Variants in ASTN2 observed in about 807,000 individuals in gnomAD.
ASTN2 encodes astrotactin 2.
Under a neutral mutation model 139.8 loss-of-function variants are expected in ASTN2, and 54 were observed. The ratio of observed to expected loss-of-function variants is 0.39; its 90% CI spans 0.31 to 0.48. The LOEUF (loss-of-function observed/expected upper bound fraction) is 0.48. Among genes scored for constraint, ASTN2 ranks in the 20% least tolerant of loss-of-function variants. The pLI, the probability that ASTN2 is intolerant of heterozygous loss-of-function variation, is 0.95. For synonymous variants in ASTN2, 756 were observed against 719.5 expected, an observed-to-expected ratio of 1.05 and a Z score of -0.81; for missense variants, 1,565 against 1,725.1, an observed-to-expected ratio of 0.91 and a Z score of 1.64.
At position 117,282,851 on chromosome 9, in the gene ASTN2, G is replaced by A. The variant is rs151106938; in HGVS notation, c.630+8475C>T. On this transcript the variant is annotated intron_variant, in intron 2 of 22. Transcript: ENST00000313400. ...GAGAAGTAAAGCATGGTGTGGCCAA[G>A]GCACTATGATTTAGAGTGGTCTGTT... 9.6e-3 allele frequency among the ~76,000 whole-genome samples: 1,446 copies of A among 150,094 alleles called. 24 individuals are homozygous for A. Among genetic ancestry groups the A allele is most frequent in the Non-Finnish European group, 0.011 (753 of 68,026 alleles).
At chr9:116,890,768 C>T (rs117541501) in intron 10 of ASTN2, among the ~76,000 whole-genome samples, 4 of 152,056 alleles carry the variant, frequency 2.6e-5, no homozygotes, top group South Asian at 4.2e-4. Context: ...CATTCAGCTC[C>T]AAGAAGAGAA....
chr9:116,484,449 C>T (rs771064018), intron 20 of ASTN2, among the ~76,000 whole-genome samples: 8 of 152,114 alleles, frequency 5.3e-5, no homozygotes, highest in Non-Finnish European at 1.2e-4. Flanking sequence ...TTTCTACTGC[C>T]GCACACAGTC....
At chr9:117,377,877 A>G (rs1342217525) in intron 1 of ASTN2, among the ~76,000 whole-genome samples, 5 of 152,206 alleles carry the variant, frequency 3.3e-5, no homozygotes, top group Admixed American at 3.3e-4. Context: ...ATGATTCTGT[A>G]TTGGAGGAAA....
intron 10 of ASTN2, among the ~76,000 whole-genome samples, chr9:116,879,870 A>G (rs1366375533): frequency 6.6e-6 from 1 of 152,248 alleles, no homozygotes; most frequent in African/African-American, 2.4e-5. Flanking sequence ...CTTGTTTTCC[A>G]ATCTGATGAA....
chr9:116,834,734 T>C (rs997699405), intron 11 of ASTN2, among the ~76,000 whole-genome samples: 1 of 152,254 alleles, frequency 6.6e-6, no homozygotes, highest in Non-Finnish European at 1.5e-5. Flanking sequence ...CACTAATTTA[T>C]GCCTTTTAAT....
chr9:117,010,745 G>A (rs1837504860), intron 6 of ASTN2, among the ~76,000 whole-genome samples: 1 of 152,162 alleles, frequency 6.6e-6, no homozygotes, highest in Non-Finnish European at 1.5e-5. Context: ...TGAGCAAAGT[G>A]GGATTGGGCA....
At chr9:116,708,612 A>C (rs1241077352) in intron 16 of ASTN2, among the ~76,000 whole-genome samples, 1 of 152,168 alleles carries the variant, frequency 6.6e-6, no homozygotes, top group Non-Finnish European at 1.5e-5. Context: ...TCATAATCAT[A>C]AAAGAGCTCA....
At chr9:116,865,528 T>C (rs1382774259) in intron 10 of ASTN2, among the ~76,000 whole-genome samples, 1 of 150,984 alleles carries the variant, frequency 6.6e-6, no homozygotes. Context: ...TATCAGTTGT[T>C]CCTGCAGGGA....
At chr9:116,867,851 C>T in intron 10 of ASTN2, among the ~76,000 whole-genome samples, 1 of 152,062 alleles carries the variant, frequency 6.6e-6, no homozygotes. Context: ...AGAATCTGAG[C>T]GCAAGACAGG....
intron 11 of ASTN2, among the ~76,000 whole-genome samples, chr9:116,821,254 T>G (rs1462141131): frequency 1.3e-5 from 2 of 152,192 alleles, no homozygotes; most frequent in Non-Finnish European, 2.9e-5. Flanking sequence ...CTTCTCACTG[T>G]GTGACCCGAG....
In ASTN2 at chr9:116,699,111, T is replaced by G. The variant is rs1275345258; in HGVS notation, c.2806+26660A>C. On this transcript the variant is annotated intron_variant, in intron 16 of 22. Transcript: ENST00000313400. The surrounding 1 kb of genome is among the most constrained non-coding windows in gnomAD (Gnocchi z 4.2). ...TGATAACTCCCTCAAGGTATATACCTTGGATGGCCACTGCGTGGCCTGTCA... is the reference window on the plus strand; with the variant it reads ...TGATAACTCCCTCAAGGTATATACCGTGGATGGCCACTGCGTGGCCTGTCA... The G allele has an allele frequency of 2.5e-6, 4 of 1,613,932 alleles. No homozygotes were observed. The African/African-American group carries it at 5.3e-5, about 22-fold the overall frequency.
intron 2 of ASTN2, among the ~76,000 whole-genome samples, chr9:117,272,381 T>C (rs747770426): frequency 6.6e-5 from 10 of 152,192 alleles, no homozygotes; most frequent in Non-Finnish European, 1.2e-4. Flanking sequence ...TCTGGGCCTG[T>C]GATAGGAGGG....
intron 1 of ASTN2, among the ~76,000 whole-genome samples, chr9:117,330,596 C>G (rs1042911617): frequency 1.3e-5 from 2 of 152,142 alleles, no homozygotes; most frequent in Non-Finnish European, 2.9e-5. Flanking sequence ...TTCCTCTTCG[C>G]CTCCTCCCCA....
rs540521596 is a variant in ASTN2, at chr9:116,437,179, C to T, written c.3782+3430G>A. 1.0e-4 allele frequency: 37 copies of T among 369,812 alleles called. 1 individual carries two copies. In the Admixed American group the frequency reaches 1.2e-3, roughly 12 times the overall value. 22.9% of individuals were successfully genotyped at this position (369,812 alleles called of 1,614,324 possible). On this transcript the variant is annotated intron_variant, in intron 22 of 22. Coordinates refer to ENST00000313400, the MANE Select transcript of ASTN2 (RefSeq NM_001365068.1). ...AACCTGCACATTGTGCACATGTACC[C>T]TAAAACTTAAAGTATAATAATAATA...
At chr9:117,347,631 T>G (rs974728980) in intron 1 of ASTN2, among the ~76,000 whole-genome samples, 1 of 152,194 alleles carries the variant, frequency 6.6e-6, no homozygotes, top group Admixed American at 6.5e-5. Context: ...CTGTTCTTTA[T>G]GTAGAAATAT....
chr9:116,689,568 C>T (rs1195733897), intron 16 of ASTN2, among the ~76,000 whole-genome samples: 1 of 152,158 alleles, frequency 6.6e-6, no homozygotes, highest in Non-Finnish European at 1.5e-5. Context: ...TAAGCTCATA[C>T]CCAGATCTCT....
intron 16 of ASTN2, among the ~76,000 whole-genome samples, chr9:116,678,187 C>T (rs1859622134): frequency 6.6e-6 from 1 of 152,128 alleles, no homozygotes; most frequent in Admixed American, 6.6e-5. Flanking sequence ...TGCTTAAGGT[C>T]CAACTGTTTC....
At chr9:117,225,786 T>G (rs1399522670) in intron 2 of ASTN2, among the ~76,000 whole-genome samples, 1 of 151,704 alleles carries the variant, frequency 6.6e-6, no homozygotes, top group Non-Finnish European at 1.5e-5. Context: ...AAAAGGCTGT[T>G]GTGAAGATCG....
intron 2 of ASTN2, among the ~76,000 whole-genome samples, chr9:117,279,606 G>A (rs1350638127): frequency 6.6e-6 from 1 of 152,176 alleles, no homozygotes; most frequent in Non-Finnish European, 1.5e-5. Flanking sequence ...CAACATTCTT[G>A]TTTTGGGTTT....
Sources: gnomAD v4.1 joint callset for allele counts (sites outside exome capture counted in the v4.1 genomes callset) on GRCh38, gnomAD v4.1.1 for gene constraint, Gnocchi (gnomAD v3.1) non-coding constraint, MANE v1.5 for transcripts, NCBI Gene and HGNC (gene_info 2026-07-23, HGNC 2026-07-21) for gene names.